Variants in HECW1 observed in about 807,000 individuals in gnomAD.
The protein encoded by HECW1 is HECT, C2 and WW domain containing E3 ubiquitin protein ligase 1.
Under a neutral mutation model 182.3 loss-of-function variants are expected in HECW1, and 61 were observed. That is an observed-to-expected ratio of 0.33 (90% CI 0.27 to 0.41). The LOEUF is 0.41. Among genes scored for constraint, HECW1 ranks in the 10% least tolerant of loss-of-function variants. HECW1 has a pLI of 1.00. For missense variants in HECW1, 1,739 were observed against 2,108.9 expected, an observed-to-expected ratio of 0.82 and a Z score of 3.44; for synonymous variants, 859 against 832.6, an observed-to-expected ratio of 1.03 and a Z score of -0.55.
In HECW1 at chr7:43,416,341, G is replaced by A. The variant is rs576065629; in HGVS notation, c.801+8610G>A. ...GGGGTGCCTCCCAGTTAGGCTGCTC[G>A]GGGGTCAGGGGTCAGGGACCCACTT... On this transcript the variant is annotated intron_variant, in intron 8 of 29. Transcript: ENST00000395891. Among the ~76,000 whole-genome samples, 165 of 151,280 alleles carry A rather than the reference G, an allele frequency of 1.1e-3. 1 individual carries two copies. The highest frequency in any genetic ancestry group is 5.9e-3 in the East Asian group (30 of 5,106).
chr7:43,500,231 C>G (rs543855437), intron 19 of HECW1, among the ~76,000 whole-genome samples: 2 of 152,122 alleles, frequency 1.3e-5, no homozygotes, highest in South Asian at 4.2e-4. Flanking sequence ...TCCTGAATAG[C>G]TGGGATTACA....
At chr7:43,154,461 C>T (rs1789664550) in intron 2 of HECW1, among the ~76,000 whole-genome samples, 1 of 152,068 alleles carries the variant, frequency 6.6e-6, no homozygotes, top group Non-Finnish European at 1.5e-5. Context: ...GCTATTTGTC[C>T]CCTTTGCATT....
At chr7:43,294,100 T>C (rs1805745527) in intron 3 of HECW1, among the ~76,000 whole-genome samples, 1 of 152,142 alleles carries the variant, frequency 6.6e-6, no homozygotes. Context: ...GCCAAAAAGT[T>C]TGGGGACCGC....
intron 13 of HECW1, among the ~76,000 whole-genome samples, 177 bp from the exon 14 acceptor site, chr7:43,463,483 C>T (rs1002227089): frequency 1.3e-5 from 2 of 152,106 alleles, no homozygotes; most frequent in East Asian, 1.9e-4. Flanking sequence ...GAACTTGAAT[C>T]GTCTTAGAGA....
chr7:43,427,272 G>A (rs2076392514), intron 8 of HECW1, among the ~76,000 whole-genome samples: 1 of 152,080 alleles, frequency 6.6e-6, no homozygotes, highest in Non-Finnish European at 1.5e-5. Context: ...AGAGGGAGGT[G>A]CCACAGTCAA....
intron 2 of HECW1, among the ~76,000 whole-genome samples, chr7:43,137,148 G>T (rs760528899): frequency 3.3e-5 from 5 of 152,158 alleles, no homozygotes; most frequent in African/African-American, 9.7e-5. Context: ...TCACAAGTGT[G>T]TGGGGTGGGT....
chr7:43,256,609 C>CA (rs756396122), intron 3 of HECW1, among the ~76,000 whole-genome samples: 1,666 of 55,110 alleles, frequency 0.03, 13 homozygotes, highest in Middle Eastern at 0.07. Context: ...AACTTCATCT[C>CA]AAAAAAAAAA....
At chr7:43,120,603 A>G (rs774676109) in intron 2 of HECW1, among the ~76,000 whole-genome samples, 2 of 152,040 alleles carry the variant, frequency 1.3e-5, no homozygotes, top group Admixed American at 6.6e-5. Flanking sequence ...AACTTTCTCT[A>G]TGTCCACATT....
intron 2 of HECW1, among the ~76,000 whole-genome samples, chr7:43,162,230 C>T (rs909994259): frequency 5.3e-5 from 8 of 152,198 alleles, no homozygotes; most frequent in East Asian, 1.9e-4. Flanking sequence ...CTTGGGCTGC[C>T]GTAACAAATT....
At position 43,311,745 on chromosome 7, in the gene HECW1, G is replaced by A; in HGVS notation, c.28-18G>A. The A allele has an allele frequency of 6.2e-7, 1 of 1,613,208 alleles. No homozygotes were observed. Among genetic ancestry groups the A allele is most frequent in the South Asian group, 1.1e-5 (1 of 91,068 alleles). On this transcript the variant is annotated intron_variant, in intron 3 of 29. Coordinates refer to ENST00000395891, the MANE Select transcript of HECW1 (RefSeq NM_015052.5). ...CCGGCGTGCCCTGACCCTGCTCACT[G>A]TCTCTTTGCTCCCACAGAATCTGTA...
intron 3 of HECW1, chr7:43,274,181 A>AAG: frequency 2.2e-6 from 1 of 462,294 alleles, no homozygotes; most frequent in East Asian, 3.4e-5. Flanking sequence ...GGTGCACTAA[A>AAG]AGAGTACAAG....
At chr7:43,169,587 ATATGCTAG>A (rs1791466558) in intron 2 of HECW1, among the ~76,000 whole-genome samples, 1 of 152,244 alleles carries the variant, frequency 6.6e-6, no homozygotes, top group African/African-American at 2.4e-5. Context: ...CTTAATCATC[ATATGCTAG>A]TACTTTGCTC....
At chr7:43,349,535 C>T (rs900339451) in intron 5 of HECW1, among the ~76,000 whole-genome samples, 3 of 152,162 alleles carry the variant, frequency 2.0e-5, no homozygotes, top group Non-Finnish European at 2.9e-5. Context: ...AATTTGGGAG[C>T]TCCAGTGTTA....
At chr7:43,449,402 A>G in intron 11 of HECW1, among the ~76,000 whole-genome samples, 1 of 152,214 alleles carries the variant, frequency 6.6e-6, no homozygotes, top group East Asian at 1.9e-4. Flanking sequence ...ATAATGTTCT[A>G]TATTTAACAT....
chr7:43,437,976 T>A, intron 8 of HECW1, 27 bp from the exon 9 acceptor site: 1 of 1,612,264 alleles, frequency 6.2e-7, no homozygotes, highest in Non-Finnish European at 8.5e-7. Flanking sequence ...TCTCAGTTAA[T>A]TGATGTGACA....
chr7:43,308,098 G>GTTATATATAATATAACATATAATATAT (rs1807895849), intron 3 of HECW1, among the ~76,000 whole-genome samples: 1 of 94,382 alleles, frequency 1.1e-5, no homozygotes, highest in Non-Finnish European at 1.9e-5. Flanking sequence ...TATTATATAT[G>GTTATATATAATATAACATATAATATAT]TTATATATAA....
chr7:43,114,222 G>T lies in HECW1; in HGVS notation c.-201G>T. ...CAGCATAGTTCAAAAATTGAGGGAGGCATCTTCTCTCTTTTCCTGGGATTT... is the reference window on the plus strand; with the variant it reads ...CAGCATAGTTCAAAAATTGAGGGAGTCATCTTCTCTCTTTTCCTGGGATTT... On this transcript the variant is annotated 5_prime_UTR_variant, in exon 2 of 30. Coordinates refer to ENST00000395891, the MANE Select transcript of HECW1 (RefSeq NM_015052.5). 3 of 1,358,644 alleles carry T rather than the reference G, an allele frequency of 2.2e-6. No homozygotes were observed. Among genetic ancestry groups the T allele is most frequent in the Non-Finnish European group, 2.9e-6 (3 of 1,032,854 alleles). 84.2% of individuals were successfully genotyped at this position (1,358,644 alleles called of 1,614,324 possible). A position where few individuals can be genotyped will look rare whatever the true frequency, so the allele number is the denominator to read the frequency against.
At chr7:43,335,461 T>C (rs1276822186) in intron 5 of HECW1, among the ~76,000 whole-genome samples, 1 of 152,190 alleles carries the variant, frequency 6.6e-6, no homozygotes, top group Non-Finnish European at 1.5e-5. Flanking sequence ...CTCCCTTTGC[T>C]ATGTGAGAAC....
At chr7:43,383,552 CAT>C (rs1182455461) in intron 6 of HECW1, among the ~76,000 whole-genome samples, 1 of 152,162 alleles carries the variant, frequency 6.6e-6, no homozygotes, top group African/African-American at 2.4e-5. Flanking sequence ...AGCTTTTTTA[CAT>C]ATGTTTATTG....
Sources: allele counts gnomAD v4.1 joint callset (sites outside exome capture counted in the v4.1 genomes callset), GRCh38; gene constraint gnomAD v4.1.1; transcripts MANE v1.5; gene names NCBI Gene and HGNC (gene_info 2026-07-23, HGNC 2026-07-21).